NOX4: variants seen among roughly 807,000 people sequenced by gnomAD.
The protein encoded by NOX4 is kidney oxidase-1.
A neutral mutation model predicts 87.6 loss-of-function variants in NOX4; 69 were observed. That is an observed-to-expected ratio of 0.79 (90% CI 0.65 to 0.96). NOX4 has a LOEUF of 0.96. Ranked by LOEUF, NOX4 falls within the 40% of genes least tolerant of loss-of-function variation. The pLI is 0.00. For synonymous variants in NOX4, 275 were observed against 238.2 expected (o/e 1.15, Z -1.42); for missense variants, 680 against 681.5 (o/e 1.00, Z 0.02).
chr11:89,452,701 T>A (rs1945019094), intron 2 of NOX4, among the ~76,000 whole-genome samples: 1 of 151,984 alleles, frequency 6.6e-6, no homozygotes, highest in Non-Finnish European at 1.5e-5. Flanking sequence ...TTGTGGTAAA[T>A]ATATTTATTT....
intron 13 of NOX4, among the ~76,000 whole-genome samples, chr11:89,354,075 G>A (rs1406160208): frequency 2.6e-5 from 4 of 152,060 alleles, no homozygotes; most frequent in South Asian, 2.1e-4. Context: ...TAATTTCCCC[G>A]GAAAGCAAAG....
upstream of NOX4, among the ~76,000 whole-genome samples, chr11:89,498,465 AC>A (rs756716249): frequency 3.3e-5 from 5 of 152,176 alleles, no homozygotes; most frequent in South Asian, 2.1e-4. Flanking sequence ...AATTGCTGAA[AC>A]TTGTTCACCG....
intron 3 of NOX4, among the ~76,000 whole-genome samples, chr11:89,451,564 T>G (rs1944962310): frequency 6.6e-6 from 1 of 152,202 alleles, no homozygotes; most frequent in African/African-American, 2.4e-5. Flanking sequence ...CTAAGCATAG[T>G]GCTGGAAATC....
At chr11:89,567,730 G>A in the NOX4 span, among the ~76,000 whole-genome samples, 1 of 152,050 alleles carries the variant, frequency 6.6e-6, no homozygotes, top group African/African-American at 2.4e-5. Context: ...CAACCAGTGG[G>A]GATTATAATT....
chr11:89,410,386 C>T (rs1942411476), intron 8 of NOX4, among the ~76,000 whole-genome samples: 2 of 152,204 alleles, frequency 1.3e-5, no homozygotes, highest in African/African-American at 4.8e-5. Context: ...AAGGACAACA[C>T]ATTCCTAGCT....
At chr11:89,486,482 GTGTGTT>G (rs1437648754) in intron 2 of NOX4, among the ~76,000 whole-genome samples, 3 of 147,070 alleles carry the variant, frequency 2.0e-5, no homozygotes, top group Admixed American at 6.9e-5. Context: ...GTGTGTGTGT[GTGTGTT>G]TGTGTGCATA....
At chr11:89,524,472 C>A in the NOX4 span, among the ~76,000 whole-genome samples, 1 of 152,024 alleles carries the variant, frequency 6.6e-6, no homozygotes, top group Non-Finnish European at 1.5e-5. Flanking sequence ...AACATCAAGG[C>A]TCAGAAAGTT....
At chr11:89,557,497 C>T in the NOX4 span, among the ~76,000 whole-genome samples, 1 of 152,260 alleles carries the variant, frequency 6.6e-6, no homozygotes, top group Non-Finnish European at 1.5e-5. Context: ...AGTAGTAAAT[C>T]ACACCCTTTA....
At chr11:89,425,007 T>A (rs1284332732) in intron 7 of NOX4, among the ~76,000 whole-genome samples, 2 of 152,114 alleles carry the variant, frequency 1.3e-5, no homozygotes, top group African/African-American at 2.4e-5. Flanking sequence ...ACACTGAAGA[T>A]TAGGAAGGGC....
chr11:89,352,024 C>G (rs1016470605), intron 13 of NOX4, among the ~76,000 whole-genome samples: 1 of 152,180 alleles, frequency 6.6e-6, no homozygotes, highest in African/African-American at 2.4e-5. Context: ...TTAAATACTT[C>G]ATGTTCTCAC....
intron 11 of NOX4, among the ~76,000 whole-genome samples, chr11:89,393,930 C>A (rs1356797369): frequency 6.6e-6 from 1 of 152,134 alleles, no homozygotes; most frequent in Admixed American, 6.6e-5. Context: ...CGTCTTCTAC[C>A]TCCAGTTCCT....
the NOX4 span, among the ~76,000 whole-genome samples, chr11:89,541,468 A>G: frequency 2.6e-5 from 4 of 152,228 alleles, no homozygotes; most frequent in African/African-American, 9.6e-5. Flanking sequence ...TAATTATAGC[A>G]GCAATACACT....
intron 5 of NOX4, among the ~76,000 whole-genome samples, chr11:89,441,112 G>A (rs372527332): frequency 1.2e-3 from 188 of 152,304 alleles, no homozygotes; most frequent in South Asian, 9.1e-3. Flanking sequence ...ATCACAAGAT[G>A]TGAAGACAGA....
At chr11:89,577,720 CTA>C in the NOX4 span, 1 of 152,134 alleles carries the variant, frequency 6.6e-6, no homozygotes, top group South Asian at 2.1e-4. Flanking sequence ...ACGTCACCAG[CTA>C]TGTCTTATCC....
the NOX4 span, among the ~76,000 whole-genome samples, chr11:89,564,751 T>G: frequency 9.2e-5 from 10 of 108,618 alleles, 1 homozygote; most frequent in African/African-American, 3.4e-4. Context: ...TTGTTTGTTT[T>G]TTGTTTTTTT....
At chr11:89,448,128 C>T (rs1194134556) in intron 4 of NOX4, among the ~76,000 whole-genome samples, 1 of 152,146 alleles carries the variant, frequency 6.6e-6, no homozygotes, top group Non-Finnish European at 1.5e-5. Flanking sequence ...ATTACAATTA[C>T]TAATTCTATC....
rs749615290 is a variant in NOX4 at position 89,432,855 on chromosome 11, A to T, written c.477T>A (p.Val159=). Reference sequence around the variant, plus strand: ...CCATGCAGACCCCTGTCAGGCCAGGAACTATAAAAATGTATACAAGTAGGT... The same window carrying T: ...CCATGCAGACCCCTGTCAGGCCAGGTACTATAAAAATGTATACAAGTAGGT... ...EDPRKLLFTT[V]PGLTGVCMVV... Residue 159 remains valine, a splice_region_variant and synonymous_variant, in exon 7 of 18, where the codon GTT becomes GTA. Transcript: ENST00000263317. The T allele has an allele frequency of 3.7e-6, 6 of 1,607,264 alleles. No homozygotes were observed. The East Asian group carries it at 1.3e-4, about 36-fold the overall frequency.
the NOX4 span, among the ~76,000 whole-genome samples, chr11:89,510,722 TTA>T: frequency 4.6e-5 from 7 of 152,234 alleles, no homozygotes; most frequent in East Asian, 9.7e-4. Context: ...TGAAATAGGA[TTA>T]TGTTTCCATT....
intron 2 of NOX4, among the ~76,000 whole-genome samples, chr11:89,474,832 A>G (rs1946096541): frequency 6.6e-6 from 1 of 151,992 alleles, no homozygotes. Flanking sequence ...CCAAGAATTC[A>G]ATGGATAAAT....
Sources: gnomAD v4.1 joint callset for allele counts (sites outside exome capture counted in the v4.1 genomes callset) on GRCh38, gnomAD v4.1.1 for gene constraint, MANE v1.5 for transcripts, NCBI Gene and HGNC (gene_info 2026-07-23, HGNC 2026-07-21) for gene names.